The following PDE1C variants were observed in gnomAD, a reference collection of about 807,000 sequenced individuals.
PDE1C encodes the protein phosphodiesterase 1C.
Under a neutral mutation model 93.1 loss-of-function variants are expected in PDE1C, and 62 were observed. The ratio of observed to expected loss-of-function variants is 0.67; its 90% CI spans 0.54 to 0.82. The LOEUF is 0.82. Ranked by LOEUF, PDE1C falls within the 40% of genes least tolerant of loss-of-function variation. PDE1C has a pLI of 0.00. For missense variants in PDE1C, 742 were observed against 884.6 expected (o/e 0.84, Z 2.04); for synonymous variants, 325 against 310.1 (o/e 1.05, Z -0.50).
intron 9 of PDE1C, among the ~76,000 whole-genome samples, chr7:31,842,237 A>G (rs1791999539): frequency 3.9e-5 from 6 of 152,288 alleles, no homozygotes; most frequent in Admixed American, 3.9e-4. Context: ...AGCTATGTTC[A>G]TAAAATACAT....
chr7:32,087,700 A>G (rs144754850), intron 3 of PDE1C, among the ~76,000 whole-genome samples: 23 of 149,846 alleles, frequency 1.5e-4, no homozygotes, highest in South Asian at 8.6e-4. Flanking sequence ...TGTCCTTTGT[A>G]GGGACATGGA....
At chr7:31,881,186 T>C (rs951857284) in intron 2 of PDE1C, among the ~76,000 whole-genome samples, 1 of 152,224 alleles carries the variant, frequency 6.6e-6, no homozygotes, top group African/African-American at 2.4e-5. Context: ...TAGTAAAGCC[T>C]GACCAGCAGC....
intron 2 of PDE1C, among the ~76,000 whole-genome samples, chr7:32,032,434 C>T (rs1175863819): frequency 6.6e-6 from 1 of 152,188 alleles, no homozygotes; most frequent in Non-Finnish European, 1.5e-5. Context: ...CCCTGCTCCT[C>T]ACAACTCCGA....
At chr7:32,179,452 C>T (rs539095205) in intron 2 of PDE1C, among the ~76,000 whole-genome samples, 4 of 151,790 alleles carry the variant, frequency 2.6e-5, no homozygotes, top group Admixed American at 6.6e-5. Flanking sequence ...GTAGAGACGG[C>T]GTTTCACCAT....
chr7:32,012,811 C>A (rs921646759), intron 2 of PDE1C, among the ~76,000 whole-genome samples: 1 of 152,190 alleles, frequency 6.6e-6, no homozygotes, highest in African/African-American at 2.4e-5. Flanking sequence ...AAATGACCTA[C>A]TATTTCAAGT....
chr7:31,852,545 C>T (rs867360372), intron 7 of PDE1C, among the ~76,000 whole-genome samples: 5 of 152,056 alleles, frequency 3.3e-5, no homozygotes, highest in Admixed American at 1.3e-4. Context: ...ATGTGGCAGG[C>T]ACTATGCTAG....
chr7:32,325,513 C>T (rs189130644), intron 1 of PDE1C, among the ~76,000 whole-genome samples: 1 of 152,332 alleles, frequency 6.6e-6, no homozygotes, highest in Admixed American at 6.5e-5. Flanking sequence ...CCTGTTACAC[C>T]TTTTCCTCTG....
chr7:32,397,956 C>A (rs1473559251), intron 1 of PDE1C, among the ~76,000 whole-genome samples: 1 of 151,904 alleles, frequency 6.6e-6, no homozygotes, highest in Non-Finnish European at 1.5e-5. Context: ...AGATCGAGAC[C>A]ATCCTGGCTA....
At chr7:31,758,332 C>G (rs1417794325) in intron 17 of PDE1C, among the ~76,000 whole-genome samples, 1 of 151,922 alleles carries the variant, frequency 6.6e-6, no homozygotes, top group Admixed American at 6.6e-5. Flanking sequence ...AAAAATTATG[C>G]TACTTCTCTT....
rs1420716218 is a variant in PDE1C at position 31,879,136 on chromosome 7, T to C, written c.285A>G (p.Ser95=). ...CTCGGACCTCAGAAGGCACAGCATC[T>C]GACTGAATGTCACTGAGCTCATCCT... The part of the protein sequence containing the change: ...DTEDELSDIQ[S]DAVPSEVRDW... Residue 95 remains serine (S), a synonymous_variant, in exon 4 of 18, where the codon TCA becomes TCG. Transcript: ENST00000396191. The C allele has an allele frequency of 1.2e-6, 2 of 1,614,010 alleles. No homozygotes were observed.
intron 2 of PDE1C, among the ~76,000 whole-genome samples, chr7:32,043,307 G>A (rs1301954752): frequency 6.6e-6 from 1 of 152,132 alleles, no homozygotes; most frequent in Non-Finnish European, 1.5e-5. Flanking sequence ...CCTCACTAAT[G>A]ACTGATTCAA....
At chr7:31,777,266 C>A (rs1050756584) in intron 16 of PDE1C, among the ~76,000 whole-genome samples, 2 of 152,102 alleles carry the variant, frequency 1.3e-5, no homozygotes, top group African/African-American at 2.4e-5. Flanking sequence ...TTCCCTACCC[C>A]AGAATCCCTG....
At chr7:31,943,656 T>TA (rs1806161062) in intron 2 of PDE1C, among the ~76,000 whole-genome samples, 1 of 152,192 alleles carries the variant, frequency 6.6e-6, no homozygotes, top group African/African-American at 2.4e-5. Context: ...TCTTCAAAGG[T>TA]ATCTAATTCA....
the PDE1C span, chr7:31,658,279 T>C: frequency 4.7e-6 from 7 of 1,504,722 alleles, no homozygotes; most frequent in South Asian, 5.1e-5. Context: ...AGGTGAATTA[T>C]TGTCTGCAGA....
intron 3 of PDE1C, among the ~76,000 whole-genome samples, chr7:32,091,951 CAGAG>C (rs1296677460): frequency 6.6e-6 from 1 of 152,116 alleles, no homozygotes; most frequent in Non-Finnish European, 1.5e-5. Flanking sequence ...GCCATGGAAA[CAGAG>C]AGAAGTATAT....
intron 2 of PDE1C, among the ~76,000 whole-genome samples, chr7:32,009,443 T>C (rs1293166248): frequency 6.6e-6 from 1 of 152,188 alleles, no homozygotes; most frequent in South Asian, 2.1e-4. Context: ...GATGAACGCA[T>C]GCATATGAGA....
intron 2 of PDE1C, among the ~76,000 whole-genome samples, chr7:32,194,608 C>G (rs1374723475): frequency 1.3e-5 from 2 of 152,126 alleles, no homozygotes; most frequent in African/African-American, 2.4e-5. Context: ...GTTAATATAG[C>G]CACTACAGGT....
rs975106626 is a variant in PDE1C at position 32,403,689 on chromosome 7, T to C, written c.310+24133A>G. ...AAACTACTCTATGATTCAATTTGAT[T>C]CAATTCAATTAGCACGTCTTATACC... On this transcript the variant is annotated intron_variant, in intron 1 of 1. Transcript: ENST00000672256. Among the ~76,000 whole-genome samples the C allele has an allele frequency of 6.6e-5, 10 of 152,304 alleles. 2 individuals are homozygous for C. Among genetic ancestry groups the C allele is most frequent in the East Asian group, 1.9e-4 (1 of 5,174 alleles).
chr7:32,132,017 T>G (rs1170752168), intron 3 of PDE1C, among the ~76,000 whole-genome samples: 1 of 152,118 alleles, frequency 6.6e-6, no homozygotes, highest in Non-Finnish European at 1.5e-5. Context: ...TAAATCATTG[T>G]TTGATTGGCT....
Sources: gnomAD v4.1 joint callset for allele counts (sites outside exome capture counted in the v4.1 genomes callset) on GRCh38, gnomAD v4.1.1 for gene constraint, MANE v1.5 for transcripts, NCBI Gene and HGNC (gene_info 2026-07-23, HGNC 2026-07-21) for gene names.